The following SFSWAP variants were observed in gnomAD, a reference collection of about 807,000 sequenced individuals.
The protein encoded by SFSWAP is splicing factor, suppressor of white-apricot homolog.
A neutral mutation model predicts 100.7 loss-of-function variants in SFSWAP; 17 were observed. That is an observed-to-expected ratio of 0.17 (90% confidence interval 0.12 to 0.25). The LOEUF is 0.25. SFSWAP is among the 10% of genes least tolerant of loss of function. The pLI is 1.00. For missense variants in SFSWAP, 1,005 were observed against 1,262.6 expected (o/e 0.80, Z 3.09); for synonymous variants, 504 against 510.1 (o/e 0.99, Z 0.16).
At chr12:131,768,729 G>A (rs952416251) in intron 13 of SFSWAP, among the ~76,000 whole-genome samples, 11 of 152,308 alleles carry the variant, frequency 7.2e-5, no homozygotes, top group Middle Eastern at 3.4e-3. Flanking sequence ...CCGGGACGCC[G>A]TCTCACAGCC....
At chr12:131,764,381 G>T (rs1403241256) in intron 11 of SFSWAP, 75 bp from the exon 12 acceptor site, 1 of 1,176,354 alleles carries the variant, frequency 8.5e-7, no homozygotes, top group Non-Finnish European at 1.2e-6. Context: ...AGCAGCCGAT[G>T]CTCAGGTGGG....
intron 11 of SFSWAP, among the ~76,000 whole-genome samples, chr12:131,758,706 G>A (rs1053655218): frequency 2.0e-5 from 3 of 152,184 alleles, no homozygotes; most frequent in African/African-American, 2.4e-5. Context: ...CAGCACATAG[G>A]GAGGCCAGGG....
Position 131,725,584 on chromosome 12 carries a change from G to A in SFSWAP, c.786G>A (p.Glu262=). Residue 262 remains glutamate, a synonymous_variant, in exon 5 of 18, where the codon GAG becomes GAA. Transcript: ENST00000261674. This position sits in a 1 kb window ranked among gnomAD's most constrained non-coding sequence, Gnocchi z 4.3. ...AGTTCATCCAGAAAGCCATGAAAGA[G>A]GGACGCTACACTGTCCTGGCAGAAA... The part of the protein sequence containing the change: ...YYKFIQKAMK[E]GRYTVLAENK... 6.2e-7 allele frequency: 1 copy of A among 1,614,108 alleles called. No individual in the cohort carries two copies. The highest frequency in any genetic ancestry group is 8.5e-7 in the Non-Finnish European group (1 of 1,180,034).
At chr12:131,752,486 A>C (rs553345594) in intron 7 of SFSWAP, among the ~76,000 whole-genome samples, 55 of 152,256 alleles carry the variant, frequency 3.6e-4, no homozygotes, top group Non-Finnish European at 7.3e-4. Flanking sequence ...GACGGCATAC[A>C]TCACTGTCTG....
chr12:131,739,725 T>G (rs1880422898), intron 7 of SFSWAP, among the ~76,000 whole-genome samples: 1 of 151,912 alleles, frequency 6.6e-6, no homozygotes, highest in South Asian at 2.1e-4. Context: ...TTTTGTATTT[T>G]TAGTAGACAG....
At chr12:131,767,852 A>AGGGC (rs1883242855) in intron 13 of SFSWAP, among the ~76,000 whole-genome samples, 1 of 152,116 alleles carries the variant, frequency 6.6e-6, no homozygotes, top group African/African-American at 2.4e-5. Flanking sequence ...GGAGGGAGGG[A>AGGGC]GGAGGGTGAA....
At chr12:131,747,693 T>G (rs1881265869) in intron 7 of SFSWAP, among the ~76,000 whole-genome samples, 1 of 152,074 alleles carries the variant, frequency 6.6e-6, no homozygotes, top group Non-Finnish European at 1.5e-5. Context: ...GTCTGCCAGA[T>G]GAACTGGATG....
At chr12:131,752,136 C>T (rs1881718552) in intron 7 of SFSWAP, among the ~76,000 whole-genome samples, 1 of 152,220 alleles carries the variant, frequency 6.6e-6, no homozygotes. Flanking sequence ...TTTTTCTCTG[C>T]ATAGCATACA....
intron 5 of SFSWAP, 106 bp from the exon 6 acceptor site, chr12:131,726,834 C>T (rs1204572844): frequency 1.5e-5 from 11 of 723,672 alleles, no homozygotes; most frequent in East Asian, 5.2e-5. Context: ...AGTGTTTTTT[C>T]GACAGATAAC....
intron 1 of SFSWAP, chr12:131,712,481 CTG>C (rs1365462196): frequency 6.6e-6 from 1 of 151,900 alleles, no homozygotes; most frequent in Non-Finnish European, 1.5e-5. Context: ...AACCATTAAA[CTG>C]TGGAATAGTC....
intron 15 of SFSWAP, among the ~76,000 whole-genome samples, chr12:131,790,301 G>A (rs1346615564): frequency 4.6e-5 from 7 of 152,032 alleles, no homozygotes; most frequent in South Asian, 4.2e-4. Flanking sequence ...GCATTCTTGC[G>A]TTTGGTACAA....
intron 14 of SFSWAP, chr12:131,785,070 CAG>C: frequency 6.5e-7 from 1 of 1,532,946 alleles, no homozygotes; most frequent in Non-Finnish European, 8.7e-7. Flanking sequence ...CTCCGTGTCA[CAG>C]AGTCACAGCC....
chr12:131,728,501 C>A, intron 7 of SFSWAP, 73 bp downstream of exon 7: 1 of 1,504,802 alleles, frequency 6.6e-7, no homozygotes, highest in Non-Finnish European at 9.2e-7. Context: ...GGCTCTAAAC[C>A]CCAAGTGTTC....
rs1037270126 is a variant in SFSWAP, at chr12:131,725,240, G to C, written c.607-165G>C. On this transcript the variant is annotated intron_variant, in intron 4 of 17. Transcript: ENST00000261674. The surrounding 1 kb of genome is among the most constrained non-coding windows in gnomAD (Gnocchi z 4.3). ...TTTCTCCCCTGCAAAATCCTGTCAA[G>C]ATTTGGAGATGAGGAGTCCGAACAG... 1.3e-5 allele frequency among the ~76,000 whole-genome samples: 2 copies of C among 152,192 alleles called. No individual in the cohort carries two copies. Among genetic ancestry groups the C allele is most frequent in the African/African-American group, 4.8e-5 (2 of 41,448 alleles).
intron 15 of SFSWAP, 50 bp from the exon 16 acceptor site, chr12:131,797,128 C>G: frequency 6.5e-7 from 1 of 1,546,326 alleles, no homozygotes; most frequent in East Asian, 2.3e-5. Context: ...CCCTTTGTGC[C>G]CTGCCTTTAA....
In SFSWAP at chr12:131,741,645, A is replaced by C. The variant is rs1466984320; in HGVS notation, c.1082-11478A>C. On this transcript the variant is annotated intron_variant, in intron 7 of 17. Coordinates refer to ENST00000261674, the MANE Select transcript of SFSWAP (RefSeq NM_004592.4). ...TGGGCAACACAGCGAGACTCTGTCC[A>C]AAAAAAAAAAAAAAACAGTAAACAC... 2.5e-4 allele frequency among the ~76,000 whole-genome samples: 32 copies of C among 130,152 alleles called. 1 individual carries two copies. Among genetic ancestry groups the C allele is most frequent in the Admixed American group, 2.4e-3 (32 of 13,124 alleles). 85.4% of individuals were successfully genotyped at this position (130,152 alleles called of 152,430 possible).
chr12:131,729,821 A>G (rs990375063), intron 7 of SFSWAP, among the ~76,000 whole-genome samples: 1 of 152,196 alleles, frequency 6.6e-6, no homozygotes, highest in Non-Finnish European at 1.5e-5. Flanking sequence ...TCAGCCGGAG[A>G]TGAATTGTTA....
At chr12:131,798,622 G>T (rs1005496917) in intron 16 of SFSWAP, among the ~76,000 whole-genome samples, 2 of 152,222 alleles carry the variant, frequency 1.3e-5, no homozygotes, top group Non-Finnish European at 2.9e-5. Context: ...GGGCGCGGCG[G>T]CTCACGCCTA....
intron 13 of SFSWAP, among the ~76,000 whole-genome samples, chr12:131,771,943 G>A (rs923863256): frequency 2.0e-5 from 3 of 152,188 alleles, no homozygotes; most frequent in African/African-American, 7.2e-5. Context: ...TTACAAGCCT[G>A]AGCCACCGCT....
Sources: allele counts gnomAD v4.1 joint callset (sites outside exome capture counted in the v4.1 genomes callset), GRCh38; gene constraint gnomAD v4.1.1; non-coding constraint Gnocchi (gnomAD v3.1); transcripts MANE v1.5; gene names NCBI Gene and HGNC (gene_info 2026-07-23, HGNC 2026-07-21).